The following KIRREL3 variants were observed in gnomAD, a reference collection of about 807,000 sequenced individuals.
KIRREL3 encodes the protein kirre like nephrin family adhesion molecule 3, also known as kin of IRRE-like protein 3.
A neutral mutation model predicts 89.7 loss-of-function variants in KIRREL3; 36 were observed. That is an observed-to-expected ratio of 0.40 (90% CI 0.31 to 0.53). The LOEUF (loss-of-function observed/expected upper bound fraction) is 0.53, where lower values mean the gene tolerates loss of function less well. Among genes scored for constraint, KIRREL3 ranks in the 20% least tolerant of loss-of-function variants. The pLI, the probability that KIRREL3 is intolerant of heterozygous loss-of-function variation, is 0.49. For missense variants in KIRREL3, 864 were observed against 1,056.6 expected (o/e 0.82, Z 2.53); for synonymous variants, 445 against 441.4 (o/e 1.01, Z -0.10).
chr11:126,567,715 G>GGGGAGAGACCGC (rs1460253291), intron 1 of KIRREL3, among the ~76,000 whole-genome samples: 1 of 152,200 alleles, frequency 6.6e-6, no homozygotes. Flanking sequence ...CTGGTTACGT[G>GGGGAGAGACCGC]TCTGCATGCC....
chr11:126,517,141 AG>A (rs1958439810), intron 4 of KIRREL3, among the ~76,000 whole-genome samples: 1 of 75,624 alleles, frequency 1.3e-5, no homozygotes, highest in Non-Finnish European at 2.7e-5. Context: ...AGAGAAAGAG[AG>A]AGAGAGAGAG....
rs1949754294 is a variant in KIRREL3 at position 126,764,384 on chromosome 11, C to T, written c.56-201472G>A. On this transcript the variant is annotated intron_variant, in intron 1 of 16. Transcript: ENST00000525144. The surrounding 1 kb of genome is among the most constrained non-coding windows in gnomAD (Gnocchi z 4.2). ...GGCTGACACCTGCATCGAATGGAAG[C>T]TACACATTTCTGTCCTAGAGATAGG... Among the ~76,000 whole-genome samples the T allele has an allele frequency of 6.6e-6, 1 of 152,294 alleles. No homozygotes were observed. Among genetic ancestry groups the T allele is most frequent in the East Asian group, 1.9e-4 (1 of 5,186 alleles).
intron 1 of KIRREL3, among the ~76,000 whole-genome samples, chr11:126,634,702 A>T (rs1270866596): frequency 6.6e-6 from 1 of 152,156 alleles, no homozygotes; most frequent in Admixed American, 6.6e-5. Flanking sequence ...CATCGGGTGG[A>T]ATGCAGTCCT....
Position 126,994,088 on chromosome 11 carries a change from G to A in KIRREL3, c.55+6367C>T, listed in dbSNP as rs1424565249. On this transcript the variant is annotated intron_variant, in intron 1 of 16. Transcript: ENST00000525144. The surrounding 1 kb of genome is among the most constrained non-coding windows in gnomAD (Gnocchi z 5.2). ...AATCAGCCTCAGATAAATCTACTTT[G>A]CTTTGCCTATGAAGACAGGCAAAGA... Among the ~76,000 whole-genome samples, 3 of 152,072 alleles carry A rather than the reference G, an allele frequency of 2.0e-5. No individual in the cohort carries two copies. The highest frequency in any genetic ancestry group is 4.8e-5 in the African/African-American group (2 of 41,392).
chr11:126,806,348 C>T (rs1951203392), intron 1 of KIRREL3, among the ~76,000 whole-genome samples: 1 of 152,166 alleles, frequency 6.6e-6, no homozygotes, highest in African/African-American at 2.4e-5. Context: ...AGCCTTGGGG[C>T]CCTGGGCTAG....
chr11:127,001,625 C>A (rs938713772), upstream of KIRREL3, among the ~76,000 whole-genome samples: 3 of 152,122 alleles, frequency 2.0e-5, no homozygotes, highest in Non-Finnish European at 2.9e-5. Context: ...ATCTTCAAGC[C>A]TTTTACCTGT....
At chr11:126,529,723 G>A (rs768627738) in intron 2 of KIRREL3, among the ~76,000 whole-genome samples, 4 of 151,952 alleles carry the variant, frequency 2.6e-5, no homozygotes, top group Non-Finnish European at 5.9e-5. Flanking sequence ...TCCACCCAAA[G>A]GACATGATTT....
chr11:126,630,600 A>T (rs569694), intron 1 of KIRREL3, among the ~76,000 whole-genome samples: 1 of 151,988 alleles, frequency 6.6e-6, no homozygotes, highest in African/African-American at 2.4e-5. Flanking sequence ...CTTATCCAGC[A>T]ATGACTTACC....
At chr11:126,658,347 C>T (rs779092347) in intron 1 of KIRREL3, among the ~76,000 whole-genome samples, 8 of 152,136 alleles carry the variant, frequency 5.3e-5, no homozygotes, top group Non-Finnish European at 7.4e-5. Context: ...ACTTCCTAAG[C>T]CACTCCTAAA....
chr11:126,661,461 C>T (rs1460378755), intron 1 of KIRREL3, among the ~76,000 whole-genome samples: 4 of 152,196 alleles, frequency 2.6e-5, no homozygotes, highest in Non-Finnish European at 4.4e-5. Flanking sequence ...GCACATTACT[C>T]AAGAAGGTCA....
rs181546553 is a variant in KIRREL3, at chr11:126,902,575, G to T, written c.55+97880C>A. Among the ~76,000 whole-genome samples the T allele has an allele frequency of 7.2e-5, 11 of 152,316 alleles. No homozygotes were observed. The East Asian group carries it at 2.1e-3, about 29-fold the overall frequency. On this transcript the variant is annotated intron_variant, in intron 1 of 16. Transcript: ENST00000525144. ...AATTTGTTTAACAAACATTTGTTTG[G>T]TTCTTGCTATGTGTCAGGCAAGGCG...
rs1188065056 is a variant in KIRREL3, at chr11:126,656,570, C to A, written c.56-93658G>T. Among the ~76,000 whole-genome samples the A allele has an allele frequency of 6.6e-6, 1 of 152,052 alleles. No individual in the cohort carries two copies. The highest frequency in any genetic ancestry group is 3.2e-3 in the Middle Eastern group (1 of 316). On this transcript the variant is annotated intron_variant, in intron 1 of 16. Coordinates refer to ENST00000525144, the MANE Select transcript of KIRREL3 (RefSeq NM_032531.4). This position sits in a 1 kb window ranked among gnomAD's most constrained non-coding sequence, Gnocchi z 4.0. ...TTGCGTGCTCCTGGGCACCGCCTGCCCAGCCCCTGCACTGATTGTCTTACC... is the reference window on the plus strand; with the variant it reads ...TTGCGTGCTCCTGGGCACCGCCTGCACAGCCCCTGCACTGATTGTCTTACC...
intron 1 of KIRREL3, among the ~76,000 whole-genome samples, chr11:126,804,543 C>T (rs911070135): frequency 2.6e-5 from 4 of 152,104 alleles, no homozygotes; most frequent in Non-Finnish European, 4.4e-5. Flanking sequence ...TCTGAGTCCT[C>T]CGCTGAACTT....
Position 126,807,818 on chromosome 11 carries a change from T to C in KIRREL3, c.55+192637A>G, listed in dbSNP as rs1401089705. On this transcript the variant is annotated intron_variant, in intron 1 of 16. Transcript: ENST00000525144. The surrounding 1 kb of genome is among the most constrained non-coding windows in gnomAD (Gnocchi z 4.3). The stretch of plus-strand genomic sequence containing the variant: ...TATCGCTGATGTAGTGTTTACCCAC[T>C]ACCAGGCACTCTGTTAGGCACTTTA... Among the ~76,000 whole-genome samples the C allele has an allele frequency of 6.6e-6, 1 of 152,214 alleles. No individual in the cohort carries two copies. Among genetic ancestry groups the C allele is most frequent in the Non-Finnish European group, 1.5e-5 (1 of 68,034 alleles).
intron 1 of KIRREL3, among the ~76,000 whole-genome samples, chr11:126,818,075 C>T (rs1391212476): frequency 2.0e-5 from 3 of 152,206 alleles, no homozygotes. Flanking sequence ...ACTTAGCAGA[C>T]AACTGGCATG....
Position 126,790,031 on chromosome 11 carries a change from A to G in KIRREL3, c.55+210424T>C, listed in dbSNP as rs180730881. Among the ~76,000 whole-genome samples the G allele has an allele frequency of 2.0e-5, 3 of 152,194 alleles. No homozygotes were observed. In the East Asian group the frequency reaches 5.8e-4, roughly 29 times the overall value. Reference sequence around the variant, plus strand: ...CTTGATGTCTCATTATTCTCCCCACACCACATCCTCTTCTAGTCTTCTCTG... The same window carrying G: ...CTTGATGTCTCATTATTCTCCCCACGCCACATCCTCTTCTAGTCTTCTCTG... On this transcript the variant is annotated intron_variant, in intron 1 of 16. Coordinates refer to ENST00000525144, the MANE Select transcript of KIRREL3 (RefSeq NM_032531.4).
rs1364730714 is a variant in KIRREL3 at position 126,991,716 on chromosome 11, T to C, written c.55+8739A>G. 6.6e-6 allele frequency among the ~76,000 whole-genome samples: 1 copy of C among 152,220 alleles called. No homozygotes were observed. The highest frequency in any genetic ancestry group is 1.5e-5 in the Non-Finnish European group (1 of 68,042). ...AGGTCAGACCTGGGATTCGGATGCA[T>C]GATTTTCATAGGAAACTCCCTAAAA... On this transcript the variant is annotated intron_variant, in intron 1 of 16. Coordinates refer to ENST00000525144, the MANE Select transcript of KIRREL3 (RefSeq NM_032531.4). The surrounding 1 kb of genome is among the most constrained non-coding windows in gnomAD (Gnocchi z 5.8).
chr11:126,556,705 G>C (rs2134559944), intron 2 of KIRREL3, among the ~76,000 whole-genome samples: 1 of 152,260 alleles, frequency 6.6e-6, no homozygotes, highest in East Asian at 1.9e-4. Flanking sequence ...AGGACTCCTG[G>C]TAGGAGGTAG....
chr11:126,880,915 C>T (rs1945471404), intron 1 of KIRREL3, among the ~76,000 whole-genome samples: 1 of 152,188 alleles, frequency 6.6e-6, no homozygotes, highest in Non-Finnish European at 1.5e-5. Context: ...GTAAACTTTT[C>T]TTTGATGAAG....
Sources: allele counts gnomAD v4.1 joint callset (sites outside exome capture counted in the v4.1 genomes callset), GRCh38; gene constraint gnomAD v4.1.1; non-coding constraint Gnocchi (gnomAD v3.1); transcripts MANE v1.5; gene names NCBI Gene and HGNC (gene_info 2026-07-23, HGNC 2026-07-21).